SYCP2: variants seen among roughly 807,000 people sequenced by gnomAD.
The protein encoded by SYCP2 is synaptonemal complex protein 2, also known as synaptonemal complex lateral element protein.
SYCP2 carries 55 observed loss-of-function variants against 211.3 expected under a neutral mutation model. The observed-to-expected ratio is 0.26, with a 90% CI of 0.21 to 0.33. The LOEUF is 0.33. SYCP2 is among the 10% of genes least tolerant of loss of function. The probability of loss-of-function intolerance (pLI) is 1.00; values close to 1 mark genes in which losing one functional copy is unlikely to be tolerated. For synonymous variants in SYCP2, 570 were observed against 555.2 expected (o/e 1.03, Z -0.37); for missense variants, 1,731 against 1,752.0 (o/e 0.99, Z 0.21).
chr20:59,864,657 G>C (rs1427572907), intron 44 of SYCP2, among the ~76,000 whole-genome samples: 4 of 152,078 alleles, frequency 2.6e-5, no homozygotes, highest in African/African-American at 9.6e-5. Flanking sequence ...AAGGAAGAGA[G>C]TAAAATTAAA....
intron 14 of SYCP2, among the ~76,000 whole-genome samples, chr20:59,910,928 G>A (rs1442738036): frequency 6.6e-6 from 1 of 151,988 alleles, no homozygotes; most frequent in East Asian, 1.9e-4. Flanking sequence ...AGCATTCTAA[G>A]AAGGTACTTT....
chr20:59,903,419 G>T (rs564043648), intron 15 of SYCP2, among the ~76,000 whole-genome samples: 1 of 152,192 alleles, frequency 6.6e-6, no homozygotes, highest in African/African-American at 2.4e-5. Flanking sequence ...GCTTCAGGAA[G>T]ACATAGGATA....
At position 59,892,414 on chromosome 20, in the gene SYCP2, T is replaced by C; in HGVS notation, c.1940A>G (p.Asn647Ser). The C allele has an allele frequency of 1.3e-6, 2 of 1,512,784 alleles. No homozygotes were observed. The highest frequency in any genetic ancestry group is 2.5e-5 in the South Asian group (2 of 81,572). 93.7% of individuals were successfully genotyped at this position (1,512,784 alleles called of 1,614,324 possible). Reference protein sequence around the residue: ...GDTLNQDIVINKKLTKQKSSS... With the variant: ...GDTLNQDIVISKKLTKQKSSS... ...TGATTTTTGTTTAGTAAGTTTTTTA[T>C]TTATAACAATATCTATTGGGGAAAA... The change falls in exon 24 of 45, where the codon AAT (asparagine) becomes AGT (serine). Residue 647 changes from asparagine to serine, a missense_variant. By Grantham distance (46) the Asn-to-Ser change is conservative. Coordinates refer to ENST00000357552, the MANE Select transcript of SYCP2 (RefSeq NM_014258.4).
intron 8 of SYCP2, 42 bp downstream of exon 8, chr20:59,916,444 G>T: frequency 8.6e-7 from 1 of 1,164,132 alleles, no homozygotes; most frequent in Non-Finnish European, 1.3e-6. Flanking sequence ...TTTTCTTCAC[G>T]TTCTCATTTT....
chr20:59,911,663 C>G (rs533118471), intron 14 of SYCP2, 87 bp downstream of exon 14: 2 of 534,052 alleles, frequency 3.7e-6, no homozygotes, highest in Admixed American at 7.8e-5. Context: ...CTGGCTAGAA[C>G]ATATAAAGAA....
Position 59,919,504 on chromosome 20 carries a change from C to G in SYCP2, c.391G>C (p.Asp131His). 2 of 1,581,762 alleles carry G rather than the reference C, an allele frequency of 1.3e-6. No individual in the cohort carries two copies. The highest frequency in any genetic ancestry group is 8.7e-7 in the Non-Finnish European group (1 of 1,153,904). The change falls in exon 6 of 45, where the codon GAT becomes CAT. Residue 131 changes from aspartate to histidine, a missense_variant. Physicochemically the swap from Asp to His is moderately conservative, Grantham distance 81. Around this residue, in one of 3 missense-constraint regions of SYCP2, gnomAD observed 335 missense variants for 378.8 expected, o/e 0.88. Transcript: ENST00000357552. ...AATGTGATTTTTACCAGCAGAAGAT[C>G]AACTAAGTCTTCTATCATATTTAGA... ...AVLNMIEDLVDLLLVIHDVSD... is the reference protein window; with the variant it reads ...AVLNMIEDLVHLLLVIHDVSD...
chr20:59,882,486 G>T (rs1294163328), intron 26 of SYCP2, among the ~76,000 whole-genome samples: 1 of 152,080 alleles, frequency 6.6e-6, no homozygotes, highest in East Asian at 1.9e-4. Flanking sequence ...TACCAAAGAG[G>T]TATCTGCACA....
intron 31 of SYCP2, among the ~76,000 whole-genome samples, chr20:59,878,671 T>C (rs2059606923): frequency 6.6e-6 from 1 of 152,118 alleles, no homozygotes; most frequent in African/African-American, 2.4e-5. Flanking sequence ...ACAAGTTTTA[T>C]TACATAGATA....
intron 18 of SYCP2, among the ~76,000 whole-genome samples, chr20:59,898,450 C>T (rs1476004453): frequency 6.6e-6 from 1 of 152,142 alleles, no homozygotes; most frequent in Non-Finnish European, 1.5e-5. Flanking sequence ...CCATCATTCT[C>T]AGCAAACTAA....
Position 59,900,597 on chromosome 20 carries a change from A to T in SYCP2, c.1257+147T>A. The T allele has an allele frequency of 6.6e-6, 4 of 608,208 alleles. No homozygotes were observed. In the Middle Eastern group the frequency reaches 1.0e-3, roughly 154 times the overall value. 37.7% of individuals were successfully genotyped at this position (608,208 alleles called of 1,614,324 possible). On this transcript the variant is annotated intron_variant, in intron 17 of 44. Coordinates refer to ENST00000357552, the MANE Select transcript of SYCP2 (RefSeq NM_014258.4). ...AAATTATCATTAATAACATGTTTAA[A>T]CATCATATACATTTTATTGGGGTAC...
chr20:59,921,278 G>T (rs760552074), intron 4 of SYCP2, 32 bp downstream of exon 4: 7 of 1,557,940 alleles, frequency 4.5e-6, no homozygotes, highest in Admixed American at 1.9e-5. Flanking sequence ...TCTAATAATT[G>T]TAACAATCAT....
intron 26 of SYCP2, among the ~76,000 whole-genome samples, chr20:59,884,159 A>G (rs2145690295): frequency 6.6e-6 from 1 of 152,204 alleles, no homozygotes; most frequent in Non-Finnish European, 1.5e-5. Context: ...AATTTTGGTG[A>G]TGCCATCACC....
At chr20:59,931,422 A>G (rs373773720) in intron 2 of SYCP2, among the ~76,000 whole-genome samples, 16 of 152,222 alleles carry the variant, frequency 1.1e-4, no homozygotes, top group Admixed American at 9.2e-4. Context: ...CCATACATGT[A>G]GTTTTCTGTT....
At chr20:59,887,626 T>C (rs1055402126) in intron 24 of SYCP2, among the ~76,000 whole-genome samples, 2 of 151,926 alleles carry the variant, frequency 1.3e-5, no homozygotes, top group Admixed American at 6.6e-5. Flanking sequence ...AGTGTAAAAG[T>C]GTTCCTATTT....
chr20:59,920,992 GT>G (rs571313857), intron 4 of SYCP2, among the ~76,000 whole-genome samples: 4 of 151,470 alleles, frequency 2.6e-5, no homozygotes, highest in South Asian at 2.1e-4. Context: ...ACACTGATAG[GT>G]TTTTTTTAAA....
Position 59,885,940 on chromosome 20 carries a change from TACA to T in SYCP2, c.2514_2516del (p.Val839del), listed in dbSNP as rs759076387. ...AAATAACACCTACCTTACTGAGTTG[TACA>T]ACAGGTTTGTTTGAAAAACCACTGT... On this transcript the variant is annotated inframe_deletion, in exon 26 of 45. Coordinates refer to ENST00000357552, the MANE Select transcript of SYCP2 (RefSeq NM_014258.4). 236 of 1,600,556 alleles carry T rather than the reference TACA, an allele frequency of 1.5e-4. No individual in the cohort carries two copies. Among genetic ancestry groups the T allele is most frequent in the Non-Finnish European group, 1.9e-4 (223 of 1,174,910 alleles).
rs1052263363 is a variant in SYCP2, at chr20:59,873,204, C to T, written c.3555+652G>A. On this transcript the variant is annotated intron_variant, in intron 35 of 44. Transcript: ENST00000357552. The stretch of plus-strand genomic sequence containing the variant: ...CTTATTTTTGGTTCCTTATTAAGCA[C>T]AGAATATTCACCATTTCACTTAAAG... Among the ~76,000 whole-genome samples, 3 of 152,096 alleles carry T rather than the reference C, an allele frequency of 2.0e-5. No homozygotes were observed. The South Asian group carries it at 6.2e-4, about 32-fold the overall frequency.
At chr20:59,916,666 A>G (rs1600969917) in intron 7 of SYCP2, 95 bp from the exon 8 acceptor site, 2 of 805,096 alleles carry the variant, frequency 2.5e-6, no homozygotes, top group Non-Finnish European at 2.1e-6. Flanking sequence ...GGGGCCAGGC[A>G]TGGTAACTCA....
intron 26 of SYCP2, among the ~76,000 whole-genome samples, chr20:59,884,829 T>G (rs1299955552): frequency 6.6e-6 from 1 of 151,930 alleles, no homozygotes; most frequent in Non-Finnish European, 1.5e-5. Flanking sequence ...AATACAAAGA[T>G]GATTCAAAAT....
Sources: gnomAD v4.1 joint callset for allele counts (sites outside exome capture counted in the v4.1 genomes callset) on GRCh38, gnomAD v4.1.1 for gene constraint, gnomAD v4.1.1 regional missense constraint, MANE v1.5 for transcripts, NCBI Gene and HGNC (gene_info 2026-07-23, HGNC 2026-07-21) for gene names.